ELP2: variants seen among roughly 807,000 people sequenced by gnomAD.
ELP2 encodes elongator acetyltransferase complex subunit 2.
A neutral mutation model predicts 119.2 loss-of-function variants in ELP2; 90 were observed. That is an observed-to-expected ratio of 0.75 (90% CI 0.64 to 0.90). The LOEUF is 0.90. Ranked by LOEUF, ELP2 falls within the 40% of genes least tolerant of loss-of-function variation. The pLI is 0.00. For missense variants in ELP2, 921 were observed against 967.8 expected (o/e 0.95, Z 0.64); for synonymous variants, 339 against 331.0 (o/e 1.02, Z -0.26).
At chr18:36,152,701 C>T (rs1030263784) in intron 11 of ELP2, among the ~76,000 whole-genome samples, 1 of 152,196 alleles carries the variant, frequency 6.6e-6, no homozygotes, top group East Asian at 1.9e-4. Context: ...AATAATCTCC[C>T]GTGTGTCTGG....
intron 11 of ELP2, 79 bp downstream of exon 11, chr18:36,146,460 C>G: frequency 6.7e-7 from 1 of 1,498,082 alleles, no homozygotes; most frequent in Non-Finnish European, 9.3e-7. Context: ...GCTTATAACA[C>G]TCTACAGAAA....
chr18:36,132,021 G>T (rs367582006), intron 1 of ELP2, among the ~76,000 whole-genome samples: 1 of 133,210 alleles, frequency 7.5e-6, no homozygotes. Flanking sequence ...AGTGATTCTC[G>T]TGCCTCAGCC....
In ELP2 at chr18:36,136,308, C is replaced by T. The variant is rs754798447; in HGVS notation, c.219C>T (p.Ser73=). Residue 73 remains serine, a splice_region_variant and synonymous_variant, in exon 3 of 22, where the codon TCC becomes TCT. Transcript: ENST00000358232. The part of the protein sequence containing the change: ...CIQWICKQDG[S]PSTELVSGGS... Reference sequence around the variant, plus strand: ...TTACTGAGATATAATTTTTTTCAGCCCCTTCTACTGAATTAGTTTCTGGAG... The same window carrying T: ...TTACTGAGATATAATTTTTTTCAGCTCCTTCTACTGAATTAGTTTCTGGAG... 3.4e-5 allele frequency: 54 copies of T among 1,608,474 alleles called. No homozygotes were observed. Among genetic ancestry groups the T allele is most frequent in the Non-Finnish European group, 4.3e-5 (51 of 1,175,308 alleles).
At chr18:36,156,167 A>C (rs1026602333) in intron 12 of ELP2, among the ~76,000 whole-genome samples, 3 of 152,212 alleles carry the variant, frequency 2.0e-5, no homozygotes, top group African/African-American at 7.2e-5. Context: ...CGTAAGAGCT[A>C]GTGAAGTTTG....
intron 12 of ELP2, among the ~76,000 whole-genome samples, chr18:36,155,753 C>T (rs1021406829): frequency 3.9e-5 from 6 of 151,936 alleles, no homozygotes; most frequent in East Asian, 1.9e-4. Context: ...TGCCTAGTTT[C>T]GTTATGTCTT....
rs1280484898 is a variant in ELP2, at chr18:36,174,529, G to T, written c.2369G>T (p.Cys790Phe). The change falls in exon 22 of 22, where the codon TGC becomes TTC. Residue 790 changes from cysteine (C) to phenylalanine (F), a missense_variant. Cys to Phe is a radical substitution (Grantham distance 205). Coordinates refer to ENST00000358232, the MANE Select transcript of ELP2 (RefSeq NM_018255.4). ...LAIRKLCWKN[C>F]SGKTEQKEAE... The stretch of plus-strand genomic sequence containing the variant: ...ATCAGAAAATTATGCTGGAAGAATT[G>T]CAGTGGAAAAACTGAACAGAAGGAA... The T allele has an allele frequency of 4.3e-6, 7 of 1,614,118 alleles. No individual in the cohort carries two copies. Among genetic ancestry groups the T allele is most frequent in the Non-Finnish European group, 5.9e-6 (7 of 1,180,002 alleles).
chr18:36,152,827 A>C (rs894860673), intron 11 of ELP2, among the ~76,000 whole-genome samples: 2 of 152,168 alleles, frequency 1.3e-5, no homozygotes, highest in African/African-American at 4.8e-5. Context: ...TAAATTAATC[A>C]CTTTCATAGT....
chr18:36,164,910 A>G, intron 18 of ELP2: 2 of 516,152 alleles, frequency 3.9e-6, no homozygotes, highest in East Asian at 3.5e-5. Flanking sequence ...ATGCATTCAG[A>G]TATCTCAGTT....
chr18:36,137,715 TATC>T (rs1397450743), intron 3 of ELP2, among the ~76,000 whole-genome samples: 1 of 147,022 alleles, frequency 6.8e-6, no homozygotes, highest in East Asian at 2.0e-4. Context: ...TTTAGGCAAG[TATC>T]ATGAGTGGAT....
chr18:36,161,075 A>C, intron 17 of ELP2, 71 bp downstream of exon 17: 1 of 1,120,190 alleles, frequency 8.9e-7, no homozygotes, highest in Admixed American at 1.7e-5. Context: ...CAAGTTTGGT[A>C]ATGATTTAGG....
chr18:36,142,880 A>G lies in ELP2; in HGVS notation c.710A>G (p.Lys237Arg), dbSNP rs773750241. ...CAAGATTGCCTGATAAGAATATGGA[A>G]GCTGTATATAAAGTCAACATCTTTA... The part of the protein sequence containing the change: ...CSQDCLIRIW[K>R]LYIKSTSLET... The change falls in exon 8 of 22, where the codon AAG becomes AGG. Residue 237 changes from lysine to arginine, a missense_variant. Physicochemically the swap from Lys to Arg is conservative, Grantham distance 26. Coordinates refer to ENST00000358232, the MANE Select transcript of ELP2 (RefSeq NM_018255.4). The G allele has an allele frequency of 2.5e-6, 4 of 1,605,330 alleles. No individual in the cohort carries two copies. Among genetic ancestry groups the G allele is most frequent in the Non-Finnish European group, 2.6e-6 (3 of 1,172,756 alleles).
chr18:36,159,041 T>A, intron 14 of ELP2, 137 bp downstream of exon 14: 1 of 688,378 alleles, frequency 1.5e-6, no homozygotes, highest in Non-Finnish European at 2.7e-6. Flanking sequence ...TATCACCTAT[T>A]TCGTGATAAG....
In ELP2 at chr18:36,175,841, T is replaced by C. The variant is rs1295912938; in HGVS notation, c.*1200T>C. ...GGCAGATTGACAATGCAGTGACAGC[T>C]GTATATAATAAATGTGTTGAAAGGA... On this transcript the variant is annotated 3_prime_UTR_variant, in exon 22 of 22. Coordinates refer to ENST00000358232, the MANE Select transcript of ELP2 (RefSeq NM_018255.4). 1 of 152,224 alleles carries C rather than the reference T, an allele frequency of 6.6e-6. No individual in the cohort carries two copies. Among genetic ancestry groups the C allele is most frequent in the East Asian group, 1.9e-4 (1 of 5,182 alleles). 9.4% of individuals were successfully genotyped at this position (152,224 alleles called of 1,614,324 possible).
Position 36,164,480 on chromosome 18 carries a change from T to C in ELP2, c.1767T>C (p.Ala589=). 1 of 1,613,836 alleles carries C rather than the reference T, an allele frequency of 6.2e-7. No individual in the cohort carries two copies. Among genetic ancestry groups the C allele is most frequent in the Non-Finnish European group, 8.5e-7 (1 of 1,179,710 alleles). The part of the protein sequence containing the change: ...KTLLASACKA[A]KKEHAAIILW... ...GTTTCATCTCTGTCCTATAGGCAGCTAAGAAAGAGCATGCAGCTATCATTC... is the reference window on the plus strand; with the variant it reads ...GTTTCATCTCTGTCCTATAGGCAGCCAAGAAAGAGCATGCAGCTATCATTC... Residue 589 remains alanine (A), a synonymous_variant, in exon 18 of 22, where the codon GCT becomes GCC. Transcript: ENST00000358232.
Position 36,142,348 on chromosome 18 carries a change from G to A in ELP2, c.655+1G>A, listed in dbSNP as rs1378392250. 1.2e-6 allele frequency: 2 copies of A among 1,613,554 alleles called. No individual in the cohort carries two copies. The highest frequency in any genetic ancestry group is 1.7e-6 in the Non-Finnish European group (2 of 1,179,684). On this transcript the variant is annotated splice_donor_variant, in intron 7 of 21. Coordinates refer to ENST00000358232, the MANE Select transcript of ELP2 (RefSeq NM_018255.4). LOFTEE classifies it high-confidence loss of function. ...AGAGGAGTGGAATGGGCAGCCTTTG[G>A]TCAGTATGAAATTTTGCTAATGCAC...
In ELP2 at chr18:36,170,213, G is replaced by C; in HGVS notation, c.2210+17G>C. The C allele has an allele frequency of 1.9e-6, 3 of 1,614,038 alleles. No homozygotes were observed. The highest frequency in any genetic ancestry group is 2.5e-6 in the Non-Finnish European group (3 of 1,180,014). On this transcript the variant is annotated intron_variant, in intron 20 of 21. Transcript: ENST00000358232. ...TTCTCAACGGTCAGTCTCTGTGTGG[G>C]GCTTAGTTTTAAGAGGACCACTTGG... is the stretch of plus-strand genomic sequence containing the variant.
chr18:36,174,346 C>G, intron 21 of ELP2, 139 bp from the exon 22 acceptor site: 1 of 815,622 alleles, frequency 1.2e-6, no homozygotes. Flanking sequence ...AAAATATTTT[C>G]CAGGTTAAAA....
chr18:36,147,310 C>T (rs539320278), intron 11 of ELP2, among the ~76,000 whole-genome samples: 62 of 152,208 alleles, frequency 4.1e-4, no homozygotes, highest in African/African-American at 1.5e-3. Context: ...CTCCTGGCTT[C>T]AAGTGATCCT....
At chr18:36,139,971 A>G (rs1017223811) in intron 5 of ELP2, among the ~76,000 whole-genome samples, 1 of 150,898 alleles carries the variant, frequency 6.6e-6, no homozygotes, top group Admixed American at 6.6e-5. Context: ...ACCTCAGCCA[A>G]GTGGCTGGGA....
Sources: gnomAD v4.1 joint callset for allele counts (sites outside exome capture counted in the v4.1 genomes callset) on GRCh38, gnomAD v4.1.1 for gene constraint, MANE v1.5 for transcripts, NCBI Gene and HGNC (gene_info 2026-07-23, HGNC 2026-07-21) for gene names.